Variants in CTNND2 observed in about 807,000 individuals in gnomAD.
CTNND2 encodes catenin delta-2.
CTNND2 carries 22 observed loss-of-function variants against 144.4 expected under a neutral mutation model. The observed-to-expected ratio is 0.15, with a 90% CI of 0.11 to 0.22. The LOEUF (loss-of-function observed/expected upper bound fraction) is 0.22. Ranked by LOEUF, CTNND2 falls within the 10% of genes least tolerant of loss-of-function variation. The pLI, the probability that CTNND2 is intolerant of heterozygous loss-of-function variation, is 1.00. For missense variants in CTNND2, 1,353 were observed against 1,618.8 expected (o/e 0.84, Z 2.82); for synonymous variants, 751 against 695.6 (o/e 1.08, Z -1.25).
rs919395889 is a variant in CTNND2 at position 11,626,403 on chromosome 5, C to G, written c.175-61347G>C. ...TTTAGTAATGACGTAAAACCTAAAA[C>G]ATAAACTTGCAGGTAGGAAAGATTT... On this transcript the variant is annotated intron_variant, in intron 2 of 21. Transcript: ENST00000304623. Among the ~76,000 whole-genome samples, 4 of 152,258 alleles carry G rather than the reference C, an allele frequency of 2.6e-5. No homozygotes were observed. The East Asian group carries it at 5.8e-4, about 22-fold the overall frequency.
chr5:11,007,112 G>A (rs1311885074), intron 18 of CTNND2, among the ~76,000 whole-genome samples: 1 of 152,164 alleles, frequency 6.6e-6, no homozygotes. Flanking sequence ...CCAGAACCTA[G>A]AAGGGAGCAG....
At chr5:11,415,227 C>A (rs58743519) in intron 3 of CTNND2, among the ~76,000 whole-genome samples, 1,813 of 152,280 alleles carry the variant, frequency 0.012, 69 homozygotes, top group East Asian at 0.11. Flanking sequence ...GTTCACTTTT[C>A]TCCTCAACCT....
chr5:11,227,358 G>A (rs940396983), intron 10 of CTNND2, among the ~76,000 whole-genome samples: 1 of 152,184 alleles, frequency 6.6e-6, no homozygotes, highest in Non-Finnish European at 1.5e-5. Context: ...AGGTCATGGA[G>A]CTAGAAAGTA....
intron 11 of CTNND2, among the ~76,000 whole-genome samples, chr5:11,185,857 C>T (rs1359377825): frequency 6.6e-6 from 1 of 152,194 alleles, no homozygotes; most frequent in African/African-American, 2.4e-5. Context: ...TTCGTTAACA[C>T]TAGTTAATGT....
At chr5:11,541,537 T>G (rs557486045) in intron 3 of CTNND2, among the ~76,000 whole-genome samples, 1 of 152,290 alleles carries the variant, frequency 6.6e-6, no homozygotes, top group South Asian at 2.1e-4. Context: ...GTGAAAAGCC[T>G]GTAGGGATCA....
At chr5:11,796,573 C>T (rs1486309852) in intron 1 of CTNND2, among the ~76,000 whole-genome samples, 1 of 148,206 alleles carries the variant, frequency 6.7e-6, no homozygotes, top group African/African-American at 2.5e-5. Flanking sequence ...GCTTAATTTA[C>T]TTCTTATAGC....
intron 11 of CTNND2, among the ~76,000 whole-genome samples, chr5:11,181,774 G>A (rs571175855): frequency 0.018 from 2,562 of 139,702 alleles, 71 homozygotes; most frequent in African/African-American, 0.064. Flanking sequence ...GTGTGTGTGT[G>A]TCTGTGTGTG....
intron 1 of CTNND2, among the ~76,000 whole-genome samples, chr5:11,813,145 A>G (rs1283953462): frequency 6.6e-6 from 1 of 152,196 alleles, no homozygotes; most frequent in Non-Finnish European, 1.5e-5. Context: ...GTTTAGATAC[A>G]CCAATACTTA....
At chr5:11,699,092 A>T (rs1460846589) in intron 2 of CTNND2, among the ~76,000 whole-genome samples, 1 of 151,944 alleles carries the variant, frequency 6.6e-6, no homozygotes, top group Non-Finnish European at 1.5e-5. Flanking sequence ...TTATACTTTT[A>T]AAAAGAGTTA....
intron 3 of CTNND2, among the ~76,000 whole-genome samples, chr5:11,485,167 A>G (rs2149982718): frequency 6.6e-6 from 1 of 152,370 alleles, no homozygotes; most frequent in African/African-American, 2.4e-5. Context: ...TAATATGCCT[A>G]GCATAGACAT....
chr5:11,745,338 G>A (rs1039868279), intron 1 of CTNND2, among the ~76,000 whole-genome samples: 3 of 152,014 alleles, frequency 2.0e-5, no homozygotes, highest in African/African-American at 4.8e-5. Context: ...ATCAACAAAC[G>A]AAGTGAGCCA....
intron 15 of CTNND2, among the ~76,000 whole-genome samples, chr5:11,086,752 C>T (rs1750196574): frequency 6.6e-6 from 1 of 152,178 alleles, no homozygotes; most frequent in African/African-American, 2.4e-5. Flanking sequence ...TTGACTTTTA[C>T]AAATCCCAGC....
At chr5:11,338,411 CT>C (rs1753930364) in intron 9 of CTNND2, among the ~76,000 whole-genome samples, 3 of 152,154 alleles carry the variant, frequency 2.0e-5, no homozygotes, top group African/African-American at 7.2e-5. Context: ...CCACACTCAC[CT>C]TCTGAACTTG....
chr5:11,522,506 T>G (rs977996420), intron 3 of CTNND2, among the ~76,000 whole-genome samples: 1 of 152,324 alleles, frequency 6.6e-6, no homozygotes. Flanking sequence ...CTATTATCCA[T>G]GTTAGATTTT....
chr5:11,720,190 C>G, intron 2 of CTNND2, among the ~76,000 whole-genome samples: 1 of 152,034 alleles, frequency 6.6e-6, no homozygotes, highest in Middle Eastern at 3.2e-3. Flanking sequence ...CATTTGCTGG[C>G]ATCTTTGAGA....
At chr5:11,503,453 C>A (rs902731244) in intron 3 of CTNND2, among the ~76,000 whole-genome samples, 3 of 152,190 alleles carry the variant, frequency 2.0e-5, no homozygotes, top group African/African-American at 7.2e-5. Context: ...CCAAGGTTTT[C>A]TTATTATTTA....
intron 3 of CTNND2, among the ~76,000 whole-genome samples, chr5:11,479,338 T>C (rs1353089317): frequency 6.6e-6 from 1 of 152,220 alleles, no homozygotes; most frequent in Non-Finnish European, 1.5e-5. Flanking sequence ...CTTGTTCTTT[T>C]TTATGGCTGT....
At chr5:11,663,877 AATTAT>A (rs1235711233) in intron 2 of CTNND2, among the ~76,000 whole-genome samples, 1 of 152,150 alleles carries the variant, frequency 6.6e-6, no homozygotes, top group Non-Finnish European at 1.5e-5. Context: ...TATGCTTCTA[AATTAT>A]ATTAGTTTGT....
chr5:11,627,377 C>T lies in CTNND2; in HGVS notation c.175-62321G>A, dbSNP rs568167327. The stretch of plus-strand genomic sequence containing the variant: ...ACAGAACAGATGCTCTCTATTGTGC[C>T]CTTTTATTGGCTGTGTACCATGATG... On this transcript the variant is annotated intron_variant, in intron 2 of 21. Coordinates refer to ENST00000304623, the MANE Select transcript of CTNND2 (RefSeq NM_001332.4). Among the ~76,000 whole-genome samples the T allele has an allele frequency of 3.9e-5, 6 of 152,230 alleles. No individual in the cohort carries two copies. The South Asian group carries it at 1.0e-3, about 26-fold the overall frequency.
Sources: allele counts gnomAD v4.1 joint callset (sites outside exome capture counted in the v4.1 genomes callset), GRCh38; gene constraint gnomAD v4.1.1; transcripts MANE v1.5; gene names NCBI Gene and HGNC (gene_info 2026-07-23, HGNC 2026-07-21).